BCAR3: variants seen among roughly 807,000 people sequenced by gnomAD.
BCAR3 encodes breast cancer anti-estrogen resistance protein 3.
A neutral mutation model predicts 80.1 loss-of-function variants in BCAR3; 37 were observed. The ratio of observed to expected loss-of-function variants is 0.46; its 90% confidence interval spans 0.36 to 0.61. BCAR3 has a LOEUF of 0.61. Among genes scored for constraint, BCAR3 ranks in the 20% least tolerant of loss-of-function variants. The probability of loss-of-function intolerance (pLI) is 0.00; values close to 1 mark genes in which losing one functional copy is unlikely to be tolerated. For missense variants in BCAR3, 978 were observed against 1,068.2 expected, an observed-to-expected ratio of 0.92 and a Z score of 1.18; for synonymous variants, 389 against 418.9, an observed-to-expected ratio of 0.93 and a Z score of 0.87.
intron 2 of BCAR3, among the ~76,000 whole-genome samples, chr1:93,828,646 C>T (rs115224561): frequency 0.021 from 3,221 of 152,226 alleles, 111 homozygotes; most frequent in African/African-American, 0.075. Context: ...TAAAAGTGGA[C>T]AGTTTTCCCT....
At chr1:93,697,016 G>A (rs1649435344) in intron 3 of BCAR3, among the ~76,000 whole-genome samples, 2 of 152,216 alleles carry the variant, frequency 1.3e-5, no homozygotes, top group East Asian at 1.9e-4. Flanking sequence ...ACCCACAAAT[G>A]TGTCTGAAGC....
At chr1:93,707,432 G>A (rs906559753) in intron 2 of BCAR3, among the ~76,000 whole-genome samples, 5 of 152,058 alleles carry the variant, frequency 3.3e-5, no homozygotes, top group Admixed American at 1.3e-4. Context: ...ATAATAGGCC[G>A]GGCATGGTGG....
intron 2 of BCAR3, among the ~76,000 whole-genome samples, chr1:93,652,245 TA>T (rs1354431234): frequency 6.6e-6 from 1 of 152,170 alleles, no homozygotes; most frequent in African/African-American, 2.4e-5. Context: ...TGGATCTGCT[TA>T]TTCTCCTCAC....
intron 2 of BCAR3, among the ~76,000 whole-genome samples, chr1:93,844,560 A>G (rs995060879): frequency 5.3e-5 from 8 of 152,180 alleles, no homozygotes; most frequent in African/African-American, 1.9e-4. Flanking sequence ...GGGGAAGACA[A>G]CACCCACTGA....
At chr1:93,770,624 G>A (rs142993107) in intron 2 of BCAR3, among the ~76,000 whole-genome samples, 106 of 152,302 alleles carry the variant, frequency 7.0e-4, no homozygotes, top group Admixed American at 1.3e-3. Context: ...TACAGAGGGG[G>A]TGGGTAGAAA....
intron 2 of BCAR3, among the ~76,000 whole-genome samples, chr1:93,842,508 G>C (rs1373413646): frequency 6.6e-6 from 1 of 152,058 alleles, no homozygotes; most frequent in Non-Finnish European, 1.5e-5. Context: ...TTTCATCTCT[G>C]TATGCCCCAA....
intron 2 of BCAR3, among the ~76,000 whole-genome samples, chr1:93,780,844 C>T (rs1448010868): frequency 6.6e-6 from 1 of 152,214 alleles, no homozygotes; most frequent in African/African-American, 2.4e-5. Context: ...ACATCCTTTG[C>T]ATTTACAAAG....
intron 3 of BCAR3, among the ~76,000 whole-genome samples, chr1:93,705,615 T>C (rs906569357): frequency 1.3e-5 from 2 of 152,228 alleles, no homozygotes; most frequent in African/African-American, 4.8e-5. Flanking sequence ...GGGATACAAG[T>C]CAAGGTCACA....
At chr1:93,569,868 T>G (rs576708571) in intron 9 of BCAR3, among the ~76,000 whole-genome samples, 3 of 152,322 alleles carry the variant, frequency 2.0e-5, no homozygotes, top group African/African-American at 7.2e-5. Context: ...CCTTTACCAG[T>G]CTCAGGGGAA....
chr1:93,833,499 G>A (rs1654649062), intron 2 of BCAR3, among the ~76,000 whole-genome samples: 1 of 152,114 alleles, frequency 6.6e-6, no homozygotes, highest in South Asian at 2.1e-4. Flanking sequence ...AGGAGACCAG[G>A]GTGTATTTCA....
intron 3 of BCAR3, among the ~76,000 whole-genome samples, chr1:93,696,426 C>T (rs758397450): frequency 3.3e-5 from 5 of 152,180 alleles, no homozygotes; most frequent in Non-Finnish European, 7.4e-5. Flanking sequence ...CAGCCAATCT[C>T]TCACCAAGGC....
intron 1 of BCAR3, among the ~76,000 whole-genome samples, chr1:93,679,636 C>G (rs1380675573): frequency 6.6e-6 from 1 of 152,204 alleles, no homozygotes; most frequent in Non-Finnish European, 1.5e-5. Context: ...ATATGAAAAT[C>G]TGAGACTCAT....
At chr1:93,630,193 C>T (rs1426743460) in intron 3 of BCAR3, among the ~76,000 whole-genome samples, 4 of 152,162 alleles carry the variant, frequency 2.6e-5, no homozygotes, top group Non-Finnish European at 5.9e-5. Flanking sequence ...ATCTCATATA[C>T]ACCTACTCTG....
chr1:93,711,985 A>G (rs964943655), intron 2 of BCAR3, among the ~76,000 whole-genome samples: 4 of 152,156 alleles, frequency 2.6e-5, no homozygotes, highest in African/African-American at 9.7e-5. Context: ...TGATTTGCAC[A>G]GGCTTTGCAA....
At chr1:93,607,106 G>C (rs1374555912) in intron 3 of BCAR3, among the ~76,000 whole-genome samples, 9 of 152,186 alleles carry the variant, frequency 5.9e-5, no homozygotes, top group Non-Finnish European at 1.2e-4. Flanking sequence ...AAGAGGGGCG[G>C]AGGGATAGGG....
At chr1:93,828,014 C>T (rs1654429703) in intron 2 of BCAR3, among the ~76,000 whole-genome samples, 1 of 152,102 alleles carries the variant, frequency 6.6e-6, no homozygotes, top group Non-Finnish European at 1.5e-5. Context: ...GCCTGTAATC[C>T]CAGTGCTTTG....
chr1:93,588,935 C>T (rs767333585), intron 5 of BCAR3, 42 bp downstream of exon 5: 1 of 1,504,884 alleles, frequency 6.6e-7, no homozygotes, highest in Non-Finnish European at 8.9e-7. Context: ...CCTTGGGCAC[C>T]CCGGCGCCCC....
At chr1:93,595,961 C>T (rs1330365221) in intron 3 of BCAR3, among the ~76,000 whole-genome samples, 1 of 152,154 alleles carries the variant, frequency 6.6e-6, no homozygotes, top group Non-Finnish European at 1.5e-5. Context: ...TGGATTTTTT[C>T]CCTGGAATGC....
chr1:93,590,283 G>C (rs936840270), intron 4 of BCAR3: 9 of 152,216 alleles, frequency 5.9e-5, no homozygotes, highest in African/African-American at 2.2e-4. Flanking sequence ...GTGCAGCCTG[G>C]CTGTTCCTGT....
Sources: gnomAD v4.1 joint callset for allele counts (sites outside exome capture counted in the v4.1 genomes callset) on GRCh38, gnomAD v4.1.1 for gene constraint, MANE v1.5 for transcripts, NCBI Gene and HGNC (gene_info 2026-07-23, HGNC 2026-07-21) for gene names.